Variants in CCAR1 observed in about 807,000 individuals in gnomAD.
The protein encoded by CCAR1 is cell division cycle and apoptosis regulator protein 1.
A neutral mutation model predicts 163.8 loss-of-function variants in CCAR1; 78 were observed. That is an observed-to-expected ratio of 0.48 (90% CI 0.40 to 0.57). The LOEUF (loss-of-function observed/expected upper bound fraction) is 0.57. Among genes scored for constraint, CCAR1 ranks in the 20% least tolerant of loss-of-function variants. The pLI, the probability that CCAR1 is intolerant of heterozygous loss-of-function variation, is 0.00. For missense variants in CCAR1, 1,019 were observed against 1,365.2 expected, an observed-to-expected ratio of 0.75 and a Z score of 4.00; for synonymous variants, 443 against 460.7, an observed-to-expected ratio of 0.96 and a Z score of 0.49.
intron 9 of CCAR1, 65 bp from the exon 10 acceptor site, chr10:68,749,459 A>G: frequency 1.4e-6 from 2 of 1,407,498 alleles, no homozygotes; most frequent in Admixed American, 2.1e-5. Flanking sequence ...TACTCTATTT[A>G]CTTCATTGAA....
At chr10:68,723,751 G>C (rs1439722637) in intron 2 of CCAR1, among the ~76,000 whole-genome samples, 1 of 151,778 alleles carries the variant, frequency 6.6e-6, no homozygotes, top group African/African-American at 2.4e-5. Context: ...GGGATGCTGA[G>C]GCAGGAGAAT....
At chr10:68,731,268 A>G (rs566823939) in intron 2 of CCAR1, among the ~76,000 whole-genome samples, 2 of 152,356 alleles carry the variant, frequency 1.3e-5, no homozygotes, top group Admixed American at 1.3e-4. Context: ...TACTTGCAGA[A>G]TGTTGATTCT....
intron 17 of CCAR1, among the ~76,000 whole-genome samples, chr10:68,770,564 G>GA (rs1351605951): frequency 6.6e-6 from 1 of 152,122 alleles, no homozygotes; most frequent in East Asian, 1.9e-4. Flanking sequence ...CCAACATGAT[G>GA]AAACTCCATC....
At chr10:68,759,821 TATTCA>T (rs2056446105) in intron 15 of CCAR1, among the ~76,000 whole-genome samples, 1 of 152,198 alleles carries the variant, frequency 6.6e-6, no homozygotes, top group South Asian at 2.1e-4. Context: ...TATTTTATAC[TATTCA>T]ATTAAATTGA....
intron 2 of CCAR1, 91 bp from the exon 3 acceptor site, chr10:68,736,785 G>T: frequency 9.5e-7 from 1 of 1,054,242 alleles, no homozygotes; most frequent in Non-Finnish European, 1.4e-6. Flanking sequence ...TGAACATGGG[G>T]GTGCGGGTAT....
chr10:68,790,418 A>G (rs10998434), intron 24 of CCAR1, among the ~76,000 whole-genome samples: 11,653 of 152,126 alleles, frequency 0.077, 1,248 homozygotes, highest in African/African-American at 0.24. Context: ...TGGAATGTCA[A>G]CATGATTTAA....
intron 2 of CCAR1, among the ~76,000 whole-genome samples, chr10:68,727,727 G>A (rs1473362278): frequency 6.6e-6 from 1 of 152,176 alleles, no homozygotes; most frequent in African/African-American, 2.4e-5. Flanking sequence ...TTTCTGTTGT[G>A]TAAAGAGACG....
At position 68,753,984 on chromosome 10, in the gene CCAR1, C is replaced by T. The variant is rs2133361651; in HGVS notation, c.1251C>T (p.Cys417=). ...GACCATTTCAGCTGGGAAATTACTG[C>T]AATTTTTATGTAATGCACAGAGAAG... ...LSRPFQLGNY[C]NFYVMHREVE... Residue 417 remains cysteine, a synonymous_variant, in exon 11 of 25, where the codon TGC becomes TGT. Coordinates refer to ENST00000265872, the MANE Select transcript of CCAR1 (RefSeq NM_018237.4). 2 of 1,613,832 alleles carry T rather than the reference C, an allele frequency of 1.2e-6. No individual in the cohort carries two copies. The highest frequency in any genetic ancestry group is 1.7e-6 in the Non-Finnish European group (2 of 1,179,832).
intron 15 of CCAR1, among the ~76,000 whole-genome samples, chr10:68,758,301 C>T (rs1269619192): frequency 2.0e-5 from 3 of 151,982 alleles, no homozygotes; most frequent in Non-Finnish European, 4.4e-5. Flanking sequence ...GCGATCTATC[C>T]ACCCCCGCCT....
chr10:68,786,854 G>T, intron 21 of CCAR1, 162 bp downstream of exon 21: 1 of 546,118 alleles, frequency 1.8e-6, no homozygotes, highest in Non-Finnish European at 3.1e-6. Context: ...GGAGGCTGAG[G>T]CGGGCAGATC....
chr10:68,785,152 C>T (rs1274271887), intron 19 of CCAR1, among the ~76,000 whole-genome samples: 4 of 151,536 alleles, frequency 2.6e-5, no homozygotes, highest in African/African-American at 4.8e-5. Flanking sequence ...CTCCTGACCT[C>T]GTGATCCGCC....
chr10:68,767,039 G>GT (rs1487120280), intron 17 of CCAR1, among the ~76,000 whole-genome samples: 2 of 152,006 alleles, frequency 1.3e-5, no homozygotes, highest in African/African-American at 4.8e-5. Flanking sequence ...GTCCAGTTCT[G>GT]TTTTTTCCCT....
intron 19 of CCAR1, among the ~76,000 whole-genome samples, chr10:68,776,331 A>T (rs930429386): frequency 1.1e-3 from 163 of 151,784 alleles, no homozygotes; most frequent in African/African-American, 3.8e-3. Flanking sequence ...TGGGAGGCCA[A>T]GGTGGGTGGA....
chr10:68,776,558 C>T (rs2056669690), intron 19 of CCAR1, among the ~76,000 whole-genome samples: 1 of 152,100 alleles, frequency 6.6e-6, no homozygotes, highest in African/African-American at 2.4e-5. Flanking sequence ...AATAGCAAAA[C>T]TCCGTCTGTA....
At chr10:68,758,077 CAG>C (rs1488040649) in intron 15 of CCAR1, among the ~76,000 whole-genome samples, 9 of 152,084 alleles carry the variant, frequency 5.9e-5, no homozygotes, top group African/African-American at 1.2e-4. Flanking sequence ...TTTTTTGAGA[CAG>C]AGTCTTGCTG....
rs533403229 is a variant in CCAR1, at chr10:68,731,247, G to C, written c.74-5629G>C. Among the ~76,000 whole-genome samples the C allele has an allele frequency of 6.6e-5, 10 of 152,302 alleles. No individual in the cohort carries two copies. The South Asian group carries it at 1.9e-3, about 28-fold the overall frequency. Reference sequence around the variant, plus strand: ...GAGATTAATACCTTTGTACTTTGCAGATTACAGAATTACTTGCAGAATGTT... The same window carrying C: ...GAGATTAATACCTTTGTACTTTGCACATTACAGAATTACTTGCAGAATGTT... On this transcript the variant is annotated intron_variant, in intron 2 of 24. Transcript: ENST00000265872.
At chr10:68,741,335 A>G (rs2056181416) in intron 5 of CCAR1, among the ~76,000 whole-genome samples, 1 of 152,130 alleles carries the variant, frequency 6.6e-6, no homozygotes, top group East Asian at 1.9e-4. Context: ...ATTGTGTGAC[A>G]TTATCTGCTT....
At chr10:68,729,765 C>G (rs1006085872) in intron 2 of CCAR1, among the ~76,000 whole-genome samples, 2 of 151,196 alleles carry the variant, frequency 1.3e-5, no homozygotes, top group African/African-American at 4.9e-5. Flanking sequence ...ATTTTAAAGT[C>G]TTTAAAAATT....
chr10:68,737,558 C>T (rs1262533149), intron 3 of CCAR1, among the ~76,000 whole-genome samples: 1 of 150,560 alleles, frequency 6.6e-6, no homozygotes, highest in African/African-American at 2.4e-5. Context: ...TTAAATTGGG[C>T]AGTTCTTATA....
Sources: gnomAD v4.1 joint callset for allele counts (sites outside exome capture counted in the v4.1 genomes callset) on GRCh38, gnomAD v4.1.1 for gene constraint, MANE v1.5 for transcripts, NCBI Gene and HGNC (gene_info 2026-07-23, HGNC 2026-07-21) for gene names.